RARB: variants seen among roughly 807,000 people sequenced by gnomAD.
RARB encodes HBV-activated protein.
A neutral mutation model predicts 51.9 loss-of-function variants in RARB; 17 were observed. The observed-to-expected ratio is 0.33, with a 90% CI of 0.22 to 0.49. The LOEUF is 0.49. Ranked by LOEUF, RARB falls within the 20% of genes least tolerant of loss-of-function variation. The pLI, the probability that RARB is intolerant of heterozygous loss-of-function variation, is 0.99. For missense variants in RARB, 369 were observed against 550.8 expected, an observed-to-expected ratio of 0.67 and a Z score of 3.30; for synonymous variants, 215 against 195.4, an observed-to-expected ratio of 1.10 and a Z score of -0.84.
chr3:24,831,429 C>G (rs1702280341), intron 1 of RARB, among the ~76,000 whole-genome samples: 1 of 152,254 alleles, frequency 6.6e-6, no homozygotes, highest in Non-Finnish European at 1.5e-5. Context: ...GAGACGCCAT[C>G]AGGGAGTAAT....
chr3:25,466,146 A>G (rs1695419678), intron 2 of RARB, among the ~76,000 whole-genome samples: 2 of 152,232 alleles, frequency 1.3e-5, no homozygotes, highest in Non-Finnish European at 2.9e-5. Flanking sequence ...ATAGTAAGTG[A>G]TAAGTACTAA....
intron 2 of RARB, among the ~76,000 whole-genome samples, chr3:25,467,917 A>G (rs555253370): frequency 1.3e-5 from 2 of 152,344 alleles, no homozygotes; most frequent in East Asian, 3.9e-4. Flanking sequence ...GGGACAGATG[A>G]TAATTTAAAT....
At chr3:24,956,146 A>C (rs906663278) in intron 2 of RARB, among the ~76,000 whole-genome samples, 4 of 152,164 alleles carry the variant, frequency 2.6e-5, no homozygotes, top group African/African-American at 9.7e-5. Flanking sequence ...TCCATTTTCA[A>C]AGTACTGAGA....
chr3:25,581,937 C>G (rs1416722664), intron 5 of RARB, among the ~76,000 whole-genome samples: 2 of 152,030 alleles, frequency 1.3e-5, no homozygotes, highest in Non-Finnish European at 2.9e-5. Flanking sequence ...GTTACAGTAG[C>G]CTGAACTAAG....
At chr3:25,577,566 T>C (rs1490798802) in intron 4 of RARB, among the ~76,000 whole-genome samples, 2 of 152,184 alleles carry the variant, frequency 1.3e-5, no homozygotes, top group African/African-American at 2.4e-5. Flanking sequence ...ATTTCTTTAA[T>C]GAAAATTTAC....
At chr3:25,333,719 C>T (rs1483613530) in intron 5 of RARB, among the ~76,000 whole-genome samples, 9 of 152,142 alleles carry the variant, frequency 5.9e-5, no homozygotes, top group Non-Finnish European at 1.3e-4. Context: ...GCAAAAGAAA[C>T]TACCATCAGA....
chr3:25,118,861 G>C (rs1300221134), intron 3 of RARB, among the ~76,000 whole-genome samples: 1 of 151,784 alleles, frequency 6.6e-6, no homozygotes, highest in African/African-American at 2.4e-5. Context: ...CCCGTTTTAA[G>C]GTATAACTTT....
chr3:25,281,243 G>A (rs1703514093), intron 5 of RARB, among the ~76,000 whole-genome samples: 1 of 152,150 alleles, frequency 6.6e-6, no homozygotes, highest in Non-Finnish European at 1.5e-5. Flanking sequence ...ATTTCACCCT[G>A]GGAACAGTTT....
intron 1 of RARB, among the ~76,000 whole-genome samples, chr3:24,835,206 G>A (rs1024239476): frequency 9.9e-5 from 15 of 152,266 alleles, no homozygotes; most frequent in Middle Eastern, 3.4e-3. Context: ...ATATCAAGAA[G>A]TTTAAACTCT....
chr3:24,937,244 C>T (rs1295779844), intron 2 of RARB, among the ~76,000 whole-genome samples: 1 of 152,096 alleles, frequency 6.6e-6, no homozygotes, highest in Non-Finnish European at 1.5e-5. Flanking sequence ...AACACATCTC[C>T]ATTCTCTGCC....
At chr3:25,397,659 A>T (rs1464107980) in intron 5 of RARB, among the ~76,000 whole-genome samples, 1 of 152,218 alleles carries the variant, frequency 6.6e-6, no homozygotes, top group African/African-American at 2.4e-5. Flanking sequence ...AGTATTGAGT[A>T]TCCCTTCTGT....
At chr3:25,413,944 G>C (rs1375718848) in intron 5 of RARB, among the ~76,000 whole-genome samples, 1 of 152,164 alleles carries the variant, frequency 6.6e-6, no homozygotes, top group Non-Finnish European at 1.5e-5. Context: ...AGTGTAAAAT[G>C]TGTAAGTTTT....
At chr3:25,005,780 C>T (rs868583148) in intron 2 of RARB, among the ~76,000 whole-genome samples, 1 of 152,108 alleles carries the variant, frequency 6.6e-6, no homozygotes, top group South Asian at 2.1e-4. Context: ...TGTCCCCACC[C>T]AGCCATCAGA....
intron 2 of RARB, among the ~76,000 whole-genome samples, chr3:24,913,022 T>TCAG (rs1173327676): frequency 2.2e-5 from 3 of 135,000 alleles, no homozygotes; most frequent in Non-Finnish European, 4.7e-5. Flanking sequence ...GCTCTGTCGC[T>TCAG]CAGGCTGGAG....
chr3:25,027,205 T>C (rs1179199078), intron 2 of RARB, among the ~76,000 whole-genome samples: 1 of 140,630 alleles, frequency 7.1e-6, no homozygotes. Flanking sequence ...TGGGAGAAAA[T>C]AAACAGGAAG....
intron 2 of RARB, among the ~76,000 whole-genome samples, chr3:24,958,254 G>GGTTTTGTTTTTT (rs1321125356): frequency 3.0e-5 from 2 of 67,408 alleles, no homozygotes; most frequent in South Asian, 7.2e-4. Context: ...GAGCTGCTCA[G>GGTTTTGTTTTTT]GTTTTTTTTT....
intron 2 of RARB, among the ~76,000 whole-genome samples, chr3:24,926,831 C>T (rs1695331656): frequency 6.6e-6 from 1 of 151,996 alleles, no homozygotes. Context: ...ATGATAAATT[C>T]CCCAAATGAG....
chr3:25,572,027 C>A (rs765858468), intron 4 of RARB, among the ~76,000 whole-genome samples: 6 of 152,188 alleles, frequency 3.9e-5, no homozygotes, highest in Non-Finnish European at 7.3e-5. Flanking sequence ...AATTGCCAAC[C>A]ATTCAGTGGC....
chr3:24,985,174 C>A (rs1696760366), intron 2 of RARB, among the ~76,000 whole-genome samples: 1 of 152,070 alleles, frequency 6.6e-6, no homozygotes, highest in Non-Finnish European at 1.5e-5. Flanking sequence ...GGTTCATGCC[C>A]TTTTACTCGT....
Sources: allele counts gnomAD v4.1 joint callset (sites outside exome capture counted in the v4.1 genomes callset), GRCh38; gene constraint gnomAD v4.1.1; transcripts MANE v1.5; gene names NCBI Gene and HGNC (gene_info 2026-07-23, HGNC 2026-07-21).